Variants in PITX3 observed in about 807,000 individuals in gnomAD.
PITX3 encodes the protein paired like homeodomain 3, also known as pituitary homeobox 3.
In PITX3, 4 loss-of-function variants were observed where a neutral mutation model predicts 14.2. The ratio of observed to expected loss-of-function variants is 0.28; its 90% confidence interval spans 0.14 to 0.65. PITX3 has a LOEUF of 0.65. PITX3 is among the 30% of genes least tolerant of loss of function. PITX3 has a pLI of 0.82. For synonymous variants in PITX3, 194 were observed against 204.5 expected, an observed-to-expected ratio of 0.95 and a Z score of 0.44; for missense variants, 358 against 426.8, an observed-to-expected ratio of 0.84 and a Z score of 1.42.
intron 3 of PITX3, 79 bp downstream of exon 3, chr10:102,231,509 G>C: frequency 3.1e-6 from 3 of 963,012 alleles, no homozygotes; most frequent in Non-Finnish European, 4.7e-6. Flanking sequence ...GGCAGGTGGG[G>C]TGGAACCGCT....
intron 1 of PITX3, among the ~76,000 whole-genome samples, chr10:102,239,571 C>T (rs1186690925): frequency 1.3e-5 from 2 of 152,188 alleles, no homozygotes; most frequent in African/African-American, 4.8e-5. Flanking sequence ...AATAAGCAAA[C>T]TTTAGAACTG....
In PITX3 at chr10:102,230,761, C is replaced by A. The variant is rs1473811943; in HGVS notation, c.662G>T (p.Gly221Val). The part of the protein sequence containing the change: ...GPGALQGLGG[G>V]PPGLAPAAVS... ...GGCGGCCGGAGCCAGCCCGGGGGGG[C>A]CCCCGCCCAGGCCCTGCAGGGCCCC... The change falls in exon 4 of 4, where the codon GGC becomes GTC. Residue 221 changes from glycine to valine, a missense_variant. By Grantham distance (109) the Gly-to-Val change is moderately radical. This residue lies in a region of PITX3 where 236 missense variants were observed against 250.2 expected (regional missense o/e 0.94). Coordinates refer to ENST00000370002, the MANE Select transcript of PITX3 (RefSeq NM_005029.4). 1 of 1,492,478 alleles carries A rather than the reference C, an allele frequency of 6.7e-7. No individual in the cohort carries two copies. The highest frequency in any genetic ancestry group is 8.9e-7 in the Non-Finnish European group (1 of 1,124,786). The allele number at this position is 1,492,478 out of a possible 1,614,324, so 92.5% of individuals were successfully genotyped here. A position where few individuals can be genotyped will look rare whatever the true frequency, so the allele number is the denominator to read the frequency against.
intron 1 of PITX3, among the ~76,000 whole-genome samples, chr10:102,232,857 A>G (rs1416743143): frequency 2.0e-5 from 3 of 152,340 alleles, no homozygotes; most frequent in South Asian, 2.1e-4. Context: ...TCTCCTTAGG[A>G]CAGATTGTAT....
At chr10:102,231,516 C>T (rs1293765213) in intron 3 of PITX3, 72 bp downstream of exon 3, 5 of 1,039,702 alleles carry the variant, frequency 4.8e-6, no homozygotes, top group African/African-American at 3.2e-5. Flanking sequence ...GGGGTGGAAC[C>T]GCTGGCCTCC....
intron 1 of PITX3, among the ~76,000 whole-genome samples, chr10:102,237,727 C>T (rs2133812019): frequency 6.6e-6 from 1 of 152,194 alleles, no homozygotes; most frequent in African/African-American, 2.4e-5. Context: ...CGTTCTATTC[C>T]ATACTTTAGT....
intron 1 of PITX3, among the ~76,000 whole-genome samples, chr10:102,235,500 C>T (rs578103048): frequency 6.2e-4 from 94 of 152,292 alleles, no homozygotes; most frequent in African/African-American, 2.2e-3. Context: ...TCTCTGAGCA[C>T]ATTTCTTCAT....
Position 102,230,619 on chromosome 10 carries a change from CCG to C in PITX3, c.802_803del (p.Arg268AlafsTer24). The part of the protein sequence containing the change: ...DPCNSSLASL[R>X]LKAKQHASFS... Reference sequence around the variant, plus strand: ...AGGAGGCGTGCTGTTTGGCTTTGAGCCGCAGGCTGGCCAGGCTCGAGTTACAC... The same window carrying C: ...AGGAGGCGTGCTGTTTGGCTTTGAGCCAGGCTGGCCAGGCTCGAGTTACAC... On this transcript the variant is annotated frameshift_variant, in exon 4 of 4. Coordinates refer to ENST00000370002, the MANE Select transcript of PITX3 (RefSeq NM_005029.4). LOFTEE classifies it high-confidence loss of function. 6.2e-7 allele frequency: 1 copy of C among 1,609,622 alleles called. No homozygotes were observed. The highest frequency in any genetic ancestry group is 8.5e-7 in the Non-Finnish European group (1 of 1,178,258).
intron 1 of PITX3, among the ~76,000 whole-genome samples, chr10:102,240,284 C>T (rs564365978): frequency 3.3e-5 from 5 of 152,316 alleles, no homozygotes; most frequent in African/African-American, 1.2e-4. Flanking sequence ...TTCCCACTAG[C>T]AGGCTCCTCA....
intron 1 of PITX3, among the ~76,000 whole-genome samples, chr10:102,237,789 AC>A (rs1473902288): frequency 1.3e-5 from 2 of 151,854 alleles, no homozygotes; most frequent in Non-Finnish European, 2.9e-5. Flanking sequence ...TTAATATAAA[AC>A]CCCCCAATCT....
intron 1 of PITX3, among the ~76,000 whole-genome samples, chr10:102,238,114 C>T (rs1020917624): frequency 7.9e-5 from 12 of 152,140 alleles, no homozygotes; most frequent in Non-Finnish European, 1.3e-4. Context: ...AAAGTTATTC[C>T]TCTCTGTCTT....
chr10:102,233,304 CTT>C (rs35379060), intron 1 of PITX3, among the ~76,000 whole-genome samples: 2 of 107,882 alleles, frequency 1.9e-5, no homozygotes, highest in Admixed American at 1.1e-4. Flanking sequence ...TTTTTTCCTT[CTT>C]TTTTTTTTTT....
At chr10:102,237,125 C>A (rs1373296653) in intron 1 of PITX3, among the ~76,000 whole-genome samples, 1 of 152,074 alleles carries the variant, frequency 6.6e-6, no homozygotes, top group Admixed American at 6.5e-5. Context: ...AAGAGGGATC[C>A]CAAGAACAGT....
intron 1 of PITX3, among the ~76,000 whole-genome samples, chr10:102,233,389 C>T (rs1398785098): frequency 2.7e-5 from 4 of 149,918 alleles, no homozygotes; most frequent in Admixed American, 6.7e-5. Flanking sequence ...CTGCAACCTC[C>T]ACCTCCAGGG....
Position 102,230,195 on chromosome 10 carries a change from C to A in PITX3, c.*319G>T, listed in dbSNP as rs896390363. The A allele has an allele frequency of 1.0e-5, 4 of 399,698 alleles. No homozygotes were observed. The highest frequency in any genetic ancestry group is 1.8e-5 in the Non-Finnish European group (4 of 220,674). The allele number at this position is 399,698 out of a possible 1,614,324, so 24.8% of individuals were successfully genotyped here. A position where few individuals can be genotyped will look rare whatever the true frequency, so the allele number is the denominator to read the frequency against. ...TTTGAATCATCACGCCTTCGACAGT[C>A]CGCGCACGTTTATTTCATTTATCTT... is the stretch of plus-strand genomic sequence containing the variant. On this transcript the variant is annotated 3_prime_UTR_variant, in exon 4 of 4. Coordinates refer to ENST00000370002, the MANE Select transcript of PITX3 (RefSeq NM_005029.4).
Position 102,231,641 on chromosome 10 carries a change from T to G in PITX3, c.268A>C (p.Ser90Arg). ...CACACGGCGATCTCCTCGCGCGTGC[T>G]CATGTCGGGGTAGCGGTTCCTCTGG... ...TFQRNRYPDM[S>R]TREEIAVWTN... The change falls in exon 3 of 4, where the codon AGC becomes CGC. Residue 90 changes from serine to arginine, a missense_variant. This residue lies in a region of PITX3 where 50 missense variants were observed against 96.7 expected (regional missense o/e 0.52). Transcript: ENST00000370002. The G allele has an allele frequency of 6.2e-7, 1 of 1,612,406 alleles. No individual in the cohort carries two copies.
rs181601194 is a variant in PITX3 at position 102,233,478 on chromosome 10, A to G, written c.-12-1386T>C. On this transcript the variant is annotated intron_variant, in intron 1 of 3. Transcript: ENST00000370002. Reference sequence around the variant, plus strand: ...GCCCCCACGCCTGGCTAATTTTTGTATTTTTAGTAGAGACGGGGTTTCACC... The same window carrying G: ...GCCCCCACGCCTGGCTAATTTTTGTGTTTTTAGTAGAGACGGGGTTTCACC... Among the ~76,000 whole-genome samples the G allele has an allele frequency of 1.1e-3, 169 of 150,898 alleles. 1 individual carries two copies. The highest frequency in any genetic ancestry group is 4.0e-3 in the African/African-American group (163 of 41,032).
intron 1 of PITX3, among the ~76,000 whole-genome samples, chr10:102,237,797 A>G (rs2070436989): frequency 6.6e-6 from 1 of 151,960 alleles, no homozygotes; most frequent in Admixed American, 6.6e-5. Context: ...AAACCCCCCA[A>G]TCTTCAAGTG....
Position 102,230,417 on chromosome 10 carries a change from AC to A in PITX3, c.*96del. 1.3e-6 allele frequency: 2 copies of A among 1,505,060 alleles called. No individual in the cohort carries two copies. Among genetic ancestry groups the A allele is most frequent in the Non-Finnish European group, 1.8e-6 (2 of 1,120,750 alleles). The allele number at this position is 1,505,060 out of a possible 1,614,324, so 93.2% of individuals were successfully genotyped here. The stretch of plus-strand genomic sequence containing the variant: ...CCAGCTGCCCAAACACCCCTTTCAG[AC>A]CCTGGGGCGGGAGCAAGCCAGTCAA... On this transcript the variant is annotated 3_prime_UTR_variant, in exon 4 of 4. Transcript: ENST00000370002.
In PITX3 at chr10:102,230,556, G is replaced by C; in HGVS notation, c.867C>G (p.Ala289=). Residue 289 remains alanine, a synonymous_variant, in exon 4 of 4, where the codon GCC becomes GCG. Transcript: ENST00000370002. ...CGGCGTACTGGCACGGACTAAGGTT[G>C]GCTGCCGGGGGCGGCCCGTGCACAG... ...YPAVHGPPPA[A]NLSPCQYAVE... The C allele has an allele frequency of 6.2e-7, 1 of 1,611,070 alleles. No homozygotes were observed. The highest frequency in any genetic ancestry group is 1.1e-5 in the South Asian group (1 of 90,408).
Sources: allele counts gnomAD v4.1 joint callset (sites outside exome capture counted in the v4.1 genomes callset), GRCh38; gene constraint gnomAD v4.1.1; regional missense constraint gnomAD v4.1.1; transcripts MANE v1.5; gene names NCBI Gene and HGNC (gene_info 2026-07-23, HGNC 2026-07-21).